Variants in HDAC9 observed in about 807,000 individuals in gnomAD.
The protein encoded by HDAC9 is histone deacetylase 9.
In HDAC9, 41 loss-of-function variants were observed where a neutral mutation model predicts 139.4. That is an observed-to-expected ratio of 0.29 (90% CI 0.23 to 0.38). The LOEUF (loss-of-function observed/expected upper bound fraction) is 0.38. HDAC9 is among the 10% of genes least tolerant of loss of function. The pLI is 1.00. For missense variants in HDAC9, 1,147 were observed against 1,297.0 expected, an observed-to-expected ratio of 0.88 and a Z score of 1.78; for synonymous variants, 517 against 476.2, an observed-to-expected ratio of 1.09 and a Z score of -1.12.
intron 2 of HDAC9, among the ~76,000 whole-genome samples, chr7:18,175,692 G>T (rs1223798393): frequency 6.6e-6 from 1 of 151,678 alleles, no homozygotes; most frequent in Non-Finnish European, 1.5e-5. Context: ...CCATATTATT[G>T]GTGAACTTTT....
Position 18,895,987 on chromosome 7 carries a change from T to C in HDAC9, c.2803+21391T>C, listed in dbSNP as rs552844143. Among the ~76,000 whole-genome samples the C allele has an allele frequency of 5.3e-5, 8 of 152,214 alleles. No individual in the cohort carries two copies. In the South Asian group the frequency reaches 1.7e-3, roughly 32 times the overall value. On this transcript the variant is annotated intron_variant, in intron 22 of 25. Transcript: ENST00000686413. ...ACTATACAAGCATAAAGAAAACATT[T>C]GTTTATTTGGATAATCAAGAAAATC...
At chr7:18,371,418 A>T (rs375487089) in intron 1 of HDAC9, among the ~76,000 whole-genome samples, 2 of 152,212 alleles carry the variant, frequency 1.3e-5, no homozygotes, top group African/African-American at 4.8e-5. Context: ...TGCATTAACT[A>T]AATGTATGCC....
intron 1 of HDAC9, among the ~76,000 whole-genome samples, chr7:18,467,014 A>C (rs546432076): frequency 6.6e-6 from 1 of 152,278 alleles, no homozygotes; most frequent in Non-Finnish European, 1.5e-5. Context: ...AAAGAGCTTC[A>C]ATTACTGTCT....
At chr7:18,381,012 A>G (rs1056668276) in intron 1 of HDAC9, among the ~76,000 whole-genome samples, 1 of 152,052 alleles carries the variant, frequency 6.6e-6, no homozygotes, top group Non-Finnish European at 1.5e-5. Flanking sequence ...AGCCAGGCCA[A>G]CATGGAGAAA....
intron 17 of HDAC9, among the ~76,000 whole-genome samples, chr7:18,803,479 C>G (rs551532730): frequency 2.0e-4 from 30 of 152,018 alleles, no homozygotes; most frequent in African/African-American, 5.1e-4. Context: ...TCGGATTTTC[C>G]TTACTGACGG....
intron 12 of HDAC9, among the ~76,000 whole-genome samples, chr7:18,690,523 G>C (rs572184576): frequency 6.6e-6 from 1 of 151,882 alleles, no homozygotes; most frequent in Non-Finnish European, 1.5e-5. Flanking sequence ...CACAATCTAT[G>C]TCCCTGTTTC....
chr7:18,124,985 C>T (rs1784568715), intron 1 of HDAC9, among the ~76,000 whole-genome samples: 1 of 151,530 alleles, frequency 6.6e-6, no homozygotes, highest in Admixed American at 6.6e-5. Flanking sequence ...CACACTTTTT[C>T]ATCCTAGCAC....
At chr7:18,510,128 C>G (rs960806484) in intron 2 of HDAC9, among the ~76,000 whole-genome samples, 2 of 151,996 alleles carry the variant, frequency 1.3e-5, no homozygotes, top group African/African-American at 4.8e-5. Flanking sequence ...CTTTTTGCCC[C>G]CAAATTAAAA....
chr7:18,335,430 C>T (rs934087106), intron 1 of HDAC9, among the ~76,000 whole-genome samples: 2 of 151,398 alleles, frequency 1.3e-5, no homozygotes, highest in Non-Finnish European at 3.0e-5. Flanking sequence ...TGCCATGTTC[C>T]AAGGTTTCAT....
At chr7:18,673,627 A>C (rs1276217097) in intron 12 of HDAC9, among the ~76,000 whole-genome samples, 1 of 152,014 alleles carries the variant, frequency 6.6e-6, no homozygotes, top group Non-Finnish European at 1.5e-5. Flanking sequence ...CATGGTTTGC[A>C]TTTGTGACTC....
chr7:18,158,860 TA>T (rs1329776600), intron 1 of HDAC9, among the ~76,000 whole-genome samples: 1 of 152,216 alleles, frequency 6.6e-6, no homozygotes, highest in Non-Finnish European at 1.5e-5. Context: ...GCTGCATGGG[TA>T]AGCTGAGACT....
chr7:18,247,861 G>C (rs892332768), intron 2 of HDAC9, among the ~76,000 whole-genome samples: 2 of 152,036 alleles, frequency 1.3e-5, no homozygotes, highest in African/African-American at 4.8e-5. Flanking sequence ...CTAATAATAA[G>C]CTTAATATTT....
intron 2 of HDAC9, among the ~76,000 whole-genome samples, chr7:18,265,215 A>G (rs1795920447): frequency 6.6e-6 from 1 of 152,234 alleles, no homozygotes. Context: ...GCAAGGACAA[A>G]TCAATATTGA....
intron 21 of HDAC9, among the ~76,000 whole-genome samples, chr7:18,839,289 T>G (rs1015211983): frequency 2.0e-5 from 3 of 152,024 alleles, no homozygotes; most frequent in Non-Finnish European, 4.4e-5. Context: ...ACGGAACTAC[T>G]AATTGGAAGG....
intron 12 of HDAC9, chr7:18,667,674 G>T: frequency 2.0e-6 from 2 of 985,242 alleles, no homozygotes; most frequent in Non-Finnish European, 2.4e-6. Context: ...GGAAGTCCAA[G>T]TGATTCATGT....
At chr7:18,106,872 C>T (rs2128078248) in intron 1 of HDAC9, among the ~76,000 whole-genome samples, 2 of 152,254 alleles carry the variant, frequency 1.3e-5, no homozygotes, top group East Asian at 3.9e-4. Flanking sequence ...CCTTTTTATA[C>T]ACCAGTGCTG....
At chr7:18,227,162 G>A (rs1344583929) in intron 2 of HDAC9, among the ~76,000 whole-genome samples, 1 of 152,100 alleles carries the variant, frequency 6.6e-6, no homozygotes, top group Non-Finnish European at 1.5e-5. Context: ...ACTGATCAAT[G>A]GGTTTATGTT....
intron 4 of HDAC9, 26 bp downstream of exon 4, chr7:18,590,512 G>C: frequency 1.9e-6 from 3 of 1,576,930 alleles, no homozygotes; most frequent in Non-Finnish European, 2.6e-6. Context: ...GTAAACGATG[G>C]ACTCTCTTTC....
rs1786724992 is a variant in HDAC9 at position 19,001,084 on chromosome 7, C to T, written c.*5022C>T. The T allele has an allele frequency of 6.6e-6, 1 of 152,102 alleles. No individual in the cohort carries two copies. Among genetic ancestry groups the T allele is most frequent in the South Asian group, 2.1e-4 (1 of 4,834 alleles). 9.4% of individuals were successfully genotyped at this position (152,102 alleles called of 1,614,324 possible). The stretch of plus-strand genomic sequence containing the variant: ...GACTTGGCAGTTTGTTTTACTAATG[C>T]AGAATTATTCTTTTTGTTTCAAACA... On this transcript the variant is annotated 3_prime_UTR_variant, in exon 26 of 26. Coordinates refer to ENST00000686413, the MANE Select transcript of HDAC9 (RefSeq NM_178425.4).
Sources: gnomAD v4.1 joint callset for allele counts (sites outside exome capture counted in the v4.1 genomes callset) on GRCh38, gnomAD v4.1.1 for gene constraint, MANE v1.5 for transcripts, NCBI Gene and HGNC (gene_info 2026-07-23, HGNC 2026-07-21) for gene names.